The following AKAP13 variants were observed in gnomAD, a reference collection of about 807,000 sequenced individuals.
The protein encoded by AKAP13 is A-kinase anchoring protein 13.
In AKAP13, 80 loss-of-function variants were observed where a neutral mutation model predicts 264.5. That is an observed-to-expected ratio of 0.30 (90% CI 0.25 to 0.36). The LOEUF is 0.36. Among genes scored for constraint, AKAP13 ranks in the 10% least tolerant of loss-of-function variants. The pLI is 1.00. For synonymous variants in AKAP13, 1,380 were observed against 1,250.2 expected, an observed-to-expected ratio of 1.10 and a Z score of -2.19; for missense variants, 3,712 against 3,435.2, an observed-to-expected ratio of 1.08 and a Z score of -2.01.
rs747773929 is a variant in AKAP13, at chr15:85,719,263, T to A, written c.6189T>A (p.Ser2063=). The change falls in exon 23 of 37, where the codon TCT becomes TCA. Residue 2063 remains serine (S), a synonymous_variant. Coordinates refer to ENST00000394518, the MANE Select transcript of AKAP13 (RefSeq NM_007200.5). ...FQRILERKKE[S]LVDKSEKNFL... is the part of the protein sequence containing the mutation. ...GGATTCTGGAGCGGAAGAAGGAGTC[T>A]CTGGTGGATAAAAGTGAAAAGAACT... The A allele has an allele frequency of 2.7e-5, 44 of 1,614,108 alleles. No individual in the cohort carries two copies. The highest frequency in any genetic ancestry group is 3.6e-5 in the Non-Finnish European group (43 of 1,180,016).
Position 85,580,991 on chromosome 15 carries a change from G to T in AKAP13, c.2923G>T (p.Asp975Tyr). The change falls in exon 7 of 37, where the codon GAC becomes TAC. Residue 975 changes from aspartate (D) to tyrosine (Y), a missense_variant. Physicochemically the swap from Asp to Tyr is radical, Grantham distance 160. Around this residue, in one of 3 missense-constraint regions of AKAP13, gnomAD observed 2,759 missense variants for 2,411.7 expected, o/e 1.14. Transcript: ENST00000394518. ...EKSISADCAK[D>Y]KALQLSNSPG... is the part of the protein sequence containing the mutation. The stretch of plus-strand genomic sequence containing the variant: ...ATCAATCTCAGCTGACTGTGCCAAG[G>T]ACAAAGCACTTCAGCTAAGTAATTC... The T allele has an allele frequency of 3.7e-6, 6 of 1,613,946 alleles. No homozygotes were observed. Among genetic ancestry groups the T allele is most frequent in the Non-Finnish European group, 5.1e-6 (6 of 1,179,928 alleles).
In AKAP13 at chr15:85,582,069, A is replaced by G. The variant is rs1283463133; in HGVS notation, c.4001A>G (p.Lys1334Arg). 1.9e-6 allele frequency: 3 copies of G among 1,612,514 alleles called. No individual in the cohort carries two copies. The highest frequency in any genetic ancestry group is 2.7e-5 in the African/African-American group (2 of 74,904). ...TTTGCTGGAAGGGAGGAGCCAGAGA[A>G]GATCATTTTACCTGTCCAGGGGCCT... ...GCFAGREEPE[K>R]IILPVQGPEP... The change falls in exon 7 of 37, where the codon AAG becomes AGG. Residue 1334 changes from lysine (K) to arginine (R), a missense_variant. By Grantham distance (26) the Lys-to-Arg change is conservative (BLOSUM62 2). This residue lies in a region of AKAP13 where 2,759 missense variants were observed against 2,411.7 expected (regional missense o/e 1.14). Coordinates refer to ENST00000394518, the MANE Select transcript of AKAP13 (RefSeq NM_007200.5).
chr15:85,655,760 C>G lies in AKAP13; in HGVS notation c.4718C>G (p.Ala1573Gly). 6.2e-7 allele frequency: 1 copy of G among 1,610,932 alleles called. No homozygotes were observed. The highest frequency in any genetic ancestry group is 8.5e-7 in the Non-Finnish European group (1 of 1,177,424). The change falls in exon 11 of 37, where the codon GCC (alanine) becomes GGC (glycine). Residue 1573 changes from alanine (A) to glycine (G), a missense_variant. Around this residue, in one of 3 missense-constraint regions of AKAP13, gnomAD observed 2,759 missense variants for 2,411.7 expected, o/e 1.14. Transcript: ENST00000394518. ...RHSWGPGKNAASDAEMNHRSS... is the reference protein window; with the variant it reads ...RHSWGPGKNAGSDAEMNHRSS... ...AGCTGGGGGCCTGGGAAAAATGCAG[C>G]CAGCGATGCAGAAATGAACCACCGG...
At chr15:85,674,902 A>G (rs530725812) in intron 14 of AKAP13, among the ~76,000 whole-genome samples, 2 of 152,258 alleles carry the variant, frequency 1.3e-5, no homozygotes, top group South Asian at 4.1e-4. Flanking sequence ...TGTTTGGAAA[A>G]GATAACATTG....
chr15:85,382,245 G>A (rs558105966), intron 1 of AKAP13: 3 of 152,318 alleles, frequency 2.0e-5, no homozygotes, highest in Non-Finnish European at 4.4e-5. Flanking sequence ...AAAAATTTGA[G>A]AAATACTGTG....
chr15:85,467,365 C>T (rs964997042), intron 1 of AKAP13, among the ~76,000 whole-genome samples: 6 of 152,284 alleles, frequency 3.9e-5, no homozygotes, highest in South Asian at 2.1e-4. Context: ...TCCCACCTTT[C>T]CGCTTCACAG....
intron 1 of AKAP13, among the ~76,000 whole-genome samples, chr15:85,409,213 C>T (rs139270631): frequency 1.3e-5 from 2 of 151,806 alleles, no homozygotes; most frequent in Non-Finnish European, 2.9e-5. Context: ...GAGTTTCACT[C>T]GTCGCCTAGC....
At chr15:85,648,632 G>A (rs1273869434) in intron 10 of AKAP13, among the ~76,000 whole-genome samples, 3 of 152,082 alleles carry the variant, frequency 2.0e-5, no homozygotes, top group Non-Finnish European at 4.4e-5. Context: ...GAGTCAAGGA[G>A]TTTGAGATCA....
chr15:85,431,595 G>C (rs1041720163), intron 1 of AKAP13, among the ~76,000 whole-genome samples: 6 of 152,076 alleles, frequency 3.9e-5, no homozygotes, highest in Non-Finnish European at 8.8e-5. Flanking sequence ...GTGAAGGAGT[G>C]GTCAGGTGAT....
At chr15:85,438,432 A>T in intron 1 of AKAP13, among the ~76,000 whole-genome samples, 1 of 151,838 alleles carries the variant, frequency 6.6e-6, no homozygotes, top group Non-Finnish European at 1.5e-5. Flanking sequence ...CCATAAAGCT[A>T]CCAATGACTT....
intron 5 of AKAP13, among the ~76,000 whole-genome samples, chr15:85,573,341 G>C (rs2078887730): frequency 6.6e-6 from 1 of 152,014 alleles, no homozygotes; most frequent in Non-Finnish European, 1.5e-5. Context: ...TCAGGAGTTC[G>C]AGATCAGCCT....
At chr15:85,420,154 G>T (rs1322417418) in intron 1 of AKAP13, among the ~76,000 whole-genome samples, 1 of 151,592 alleles carries the variant, frequency 6.6e-6, no homozygotes, top group Non-Finnish European at 1.5e-5. Flanking sequence ...CTTTAGCCGG[G>T]ATGGTCTCGA....
chr15:85,478,386 G>T (rs1436585255), intron 1 of AKAP13, among the ~76,000 whole-genome samples: 1 of 152,136 alleles, frequency 6.6e-6, no homozygotes. Flanking sequence ...GGATGTCAGA[G>T]TTCTGATTTT....
intron 1 of AKAP13, among the ~76,000 whole-genome samples, chr15:85,465,665 C>G (rs1341678749): frequency 6.6e-6 from 1 of 151,642 alleles, no homozygotes; most frequent in Admixed American, 6.6e-5. Flanking sequence ...ATCCATGTCC[C>G]TACAAAGGAC....
chr15:85,456,026 A>G (rs2074269003), intron 1 of AKAP13, among the ~76,000 whole-genome samples: 1 of 152,162 alleles, frequency 6.6e-6, no homozygotes. Flanking sequence ...TCTTTTATAT[A>G]CTTTCACACA....
chr15:85,734,409 T>C (rs1020037588), intron 30 of AKAP13, among the ~76,000 whole-genome samples: 1 of 152,240 alleles, frequency 6.6e-6, no homozygotes, highest in Non-Finnish European at 1.5e-5. Flanking sequence ...GCTTGTCTTA[T>C]CAGATTTCCT....
At chr15:85,620,119 A>G (rs1013208204) in intron 8 of AKAP13, 26 of 1,535,976 alleles carry the variant, frequency 1.7e-5, no homozygotes, top group Non-Finnish European at 2.2e-5. Context: ...GAGGCGCTAC[A>G]GCCTCTGTGA....
intron 10 of AKAP13, among the ~76,000 whole-genome samples, chr15:85,646,970 G>A (rs1336460374): frequency 6.6e-6 from 1 of 152,236 alleles, no homozygotes; most frequent in East Asian, 1.9e-4. Flanking sequence ...TGGTAAGGAG[G>A]TGAAGAGGCG....
At chr15:85,476,959 G>T (rs964095681) in intron 1 of AKAP13, among the ~76,000 whole-genome samples, 1 of 152,132 alleles carries the variant, frequency 6.6e-6, no homozygotes, top group African/African-American at 2.4e-5. Context: ...AGAGTACAGG[G>T]CTCCATCTTT....
Sources: allele counts gnomAD v4.1 joint callset (sites outside exome capture counted in the v4.1 genomes callset), GRCh38; gene constraint gnomAD v4.1.1; regional missense constraint gnomAD v4.1.1; transcripts MANE v1.5; gene names NCBI Gene and HGNC (gene_info 2026-07-23, HGNC 2026-07-21).